RNF130: variants seen among roughly 807,000 people sequenced by gnomAD.
The protein encoded by RNF130 is ring finger protein 130.
A neutral mutation model predicts 44.6 loss-of-function variants in RNF130; 21 were observed. That is an observed-to-expected ratio of 0.47 (90% confidence interval 0.33 to 0.68). RNF130 has a LOEUF of 0.68. Among genes scored for constraint, RNF130 ranks in the 30% least tolerant of loss-of-function variants. The pLI is 0.02. For synonymous variants in RNF130, 214 were observed against 210.4 expected (o/e 1.02, Z -0.15); for missense variants, 479 against 560.6 (o/e 0.85, Z 1.47).
rs757252308 is a variant in RNF130, at chr5:179,978,187, A to T, written c.848+16T>A. 2 of 1,595,890 alleles carry T rather than the reference A, an allele frequency of 1.3e-6. No homozygotes were observed. The highest frequency in any genetic ancestry group is 2.2e-5 in the South Asian group (2 of 90,732). ...CATTAATATCATTCTTTCTCAAACAAATGAAGTTGACATACTTGCAGGGGA... is the reference window on the plus strand; with the variant it reads ...CATTAATATCATTCTTTCTCAAACATATGAAGTTGACATACTTGCAGGGGA... On this transcript the variant is annotated intron_variant, in intron 5 of 8. Transcript: ENST00000521389.
chr5:180,021,226 G>A (rs547740567), intron 2 of RNF130, among the ~76,000 whole-genome samples: 2 of 152,234 alleles, frequency 1.3e-5, no homozygotes, highest in South Asian at 2.1e-4. Flanking sequence ...CTGATCTCAT[G>A]ATCCGCCTGC....
intron 3 of RNF130, among the ~76,000 whole-genome samples, chr5:179,992,745 T>A (rs1763114585): frequency 6.6e-6 from 1 of 152,218 alleles, no homozygotes; most frequent in Non-Finnish European, 1.5e-5. Flanking sequence ...ATTATTATAC[T>A]TTAAGTTCTA....
intron 2 of RNF130, among the ~76,000 whole-genome samples, chr5:180,020,320 C>T (rs1296455915): frequency 6.6e-6 from 1 of 152,190 alleles, no homozygotes; most frequent in African/African-American, 2.4e-5. Context: ...AAGCACGTGA[C>T]TACGGAGAGG....
chr5:180,058,231 A>G (rs997977321), intron 1 of RNF130, among the ~76,000 whole-genome samples: 8 of 152,182 alleles, frequency 5.3e-5, no homozygotes, highest in African/African-American at 1.7e-4. Flanking sequence ...CACTAGGTTC[A>G]TGGCTACATC....
intron 2 of RNF130, among the ~76,000 whole-genome samples, chr5:180,030,018 T>C (rs548529010): frequency 4.9e-5 from 6 of 122,696 alleles, no homozygotes; most frequent in African/African-American, 2.0e-4. Flanking sequence ...CGGCTAATTT[T>C]TGTATTTTTG....
intron 3 of RNF130, among the ~76,000 whole-genome samples, chr5:180,003,155 C>T (rs1438017122): frequency 6.6e-6 from 1 of 152,012 alleles, no homozygotes; most frequent in Non-Finnish European, 1.5e-5. Context: ...GAAAGAAGAG[C>T]GCAAAGTCAA....
chr5:180,041,320 C>G (rs756587789), intron 1 of RNF130, among the ~76,000 whole-genome samples: 1 of 152,220 alleles, frequency 6.6e-6, no homozygotes, highest in Non-Finnish European at 1.5e-5. Context: ...AACTCCGTAT[C>G]AAGATACACT....
intron 7 of RNF130, among the ~76,000 whole-genome samples, chr5:179,926,778 C>T (rs1761712674): frequency 6.6e-6 from 1 of 152,218 alleles, no homozygotes; most frequent in African/African-American, 2.4e-5. Context: ...ATGGGTTGAA[C>T]ACTTGGGCTT....
intron 2 of RNF130, among the ~76,000 whole-genome samples, chr5:180,013,936 A>G (rs191183362): frequency 6.6e-6 from 1 of 152,318 alleles, no homozygotes; most frequent in East Asian, 1.9e-4. Flanking sequence ...GCCACCTTTT[A>G]TTAGTGACAT....
rs758050921 is a variant in RNF130 at position 180,038,123 on chromosome 5, G to A, written c.442+2330C>T. Among the ~76,000 whole-genome samples the A allele has an allele frequency of 5.9e-5, 9 of 152,036 alleles. No homozygotes were observed. The South Asian group carries it at 1.5e-3, about 25-fold the overall frequency. On this transcript the variant is annotated intron_variant, in intron 2 of 8. Transcript: ENST00000521389. ...GGACGCAGTGCAGTGGTGTGATCACGGCTCACTGTAGTCTCAACTTCCCCA... is the reference window on the plus strand; with the variant it reads ...GGACGCAGTGCAGTGGTGTGATCACAGCTCACTGTAGTCTCAACTTCCCCA...
chr5:179,945,197 C>G (rs539118802), intron 7 of RNF130, among the ~76,000 whole-genome samples: 25 of 152,290 alleles, frequency 1.6e-4, no homozygotes, highest in Middle Eastern at 6.8e-3. Context: ...CTAAGGGCTG[C>G]AGGAGTTCTC....
chr5:179,998,079 ATCC>A, intron 3 of RNF130, among the ~76,000 whole-genome samples: 1 of 148,392 alleles, frequency 6.7e-6, no homozygotes, highest in African/African-American at 2.5e-5. Flanking sequence ...TGACCTCGTG[ATCC>A]GCCACCTTGG....
chr5:179,985,288 C>A (rs1762929404), intron 3 of RNF130, among the ~76,000 whole-genome samples: 1 of 150,292 alleles, frequency 6.7e-6, no homozygotes, highest in African/African-American at 2.4e-5. Context: ...TTTGTTTAGA[C>A]TTTCATGGCA....
At chr5:179,928,081 G>A (rs919155922) in intron 7 of RNF130, among the ~76,000 whole-genome samples, 3 of 152,126 alleles carry the variant, frequency 2.0e-5, no homozygotes, top group Non-Finnish European at 4.4e-5. Flanking sequence ...CAATTGATTG[G>A]TCTAATCTTT....
Position 180,071,627 on chromosome 5 carries a change from G to A in RNF130, c.76C>T (p.Arg26Trp). The change falls in exon 1 of 9, where the codon CGG (arginine) becomes TGG (tryptophan). Residue 26 changes from arginine (R) to tryptophan (W), a missense_variant. Transcript: ENST00000521389. ...TACTCCTGGCTCGCGTTGTCTGCCC[G>A]TGCCGGCCACAGGCTGCAGGTCAGC... ...ALLTCSLWPARADNASQEYYT... is the reference protein window; with the variant it reads ...ALLTCSLWPAWADNASQEYYT... 2.0e-6 allele frequency: 3 copies of A among 1,501,392 alleles called. No individual in the cohort carries two copies. The highest frequency in any genetic ancestry group is 1.8e-6 in the Non-Finnish European group (2 of 1,124,488). The allele number at this position is 1,501,392 out of a possible 1,614,324, so 93.0% of individuals were successfully genotyped here. A position where few individuals can be genotyped will look rare whatever the true frequency, so the allele number is the denominator to read the frequency against.
At chr5:179,967,063 TAAGATTCTAAAA>T in intron 6 of RNF130, 53 bp from the exon 7 acceptor site, 1 of 1,496,056 alleles carries the variant, frequency 6.7e-7, no homozygotes, top group South Asian at 1.2e-5. Flanking sequence ...CAACCTTTCA[TAAGATTCTAAAA>T]AAGATTCTAA....
chr5:179,945,389 G>A (rs1762022557), intron 7 of RNF130, among the ~76,000 whole-genome samples: 1 of 152,158 alleles, frequency 6.6e-6, no homozygotes. Flanking sequence ...TGAGCAAGGC[G>A]TTCCTATCAT....
chr5:179,963,674 C>T (rs1335349601), intron 7 of RNF130, 110 bp from the exon 8 acceptor site: 9 of 767,080 alleles, frequency 1.2e-5, no homozygotes. Flanking sequence ...AGGTGTAAGC[C>T]AAGATTGGCC....
At chr5:179,963,409 T>TG in intron 8 of RNF130, 62 bp downstream of exon 8, 1 of 1,306,050 alleles carries the variant, frequency 7.7e-7, no homozygotes, top group African/African-American at 1.5e-5. Flanking sequence ...TCATGAAAAC[T>TG]GCTCCATGTG....
Sources: allele counts gnomAD v4.1 joint callset (sites outside exome capture counted in the v4.1 genomes callset), GRCh38; gene constraint gnomAD v4.1.1; transcripts MANE v1.5; gene names NCBI Gene and HGNC (gene_info 2026-07-23, HGNC 2026-07-21).